ARHGEF28: variants seen among roughly 807,000 people sequenced by gnomAD.
ARHGEF28 encodes the protein Rho guanine nucleotide exchange factor 28, also known as 190 kDa guanine nucleotide exchange factor.
In ARHGEF28, 152 loss-of-function variants were observed where a neutral mutation model predicts 206.6. The ratio of observed to expected loss-of-function variants is 0.74; its 90% CI spans 0.64 to 0.84. ARHGEF28 has a LOEUF of 0.84. ARHGEF28 is among the 40% of genes least tolerant of loss of function. The pLI, the probability that ARHGEF28 is intolerant of heterozygous loss-of-function variation, is 0.00. For missense variants in ARHGEF28, 2,028 were observed against 2,073.2 expected, an observed-to-expected ratio of 0.98 and a Z score of 0.42; for synonymous variants, 763 against 776.4, an observed-to-expected ratio of 0.98 and a Z score of 0.29.
intron 2 of ARHGEF28, among the ~76,000 whole-genome samples, chr5:73,738,549 C>T (rs773344656): frequency 1.3e-5 from 2 of 148,758 alleles, no homozygotes; most frequent in African/African-American, 2.5e-5. Context: ...GTACGTACAC[C>T]GAGGATAGAT....
At chr5:73,718,110 G>T (rs1241181113) in intron 2 of ARHGEF28, among the ~76,000 whole-genome samples, 1 of 152,044 alleles carries the variant, frequency 6.6e-6, no homozygotes, top group African/African-American at 2.4e-5. Flanking sequence ...GACCTCAAGG[G>T]ATCCACCCAC....
chr5:73,702,338 ATTG>A (rs1748653578), intron 2 of ARHGEF28, among the ~76,000 whole-genome samples: 1 of 152,276 alleles, frequency 6.6e-6, no homozygotes, highest in African/African-American at 2.4e-5. Context: ...ATACATTCAT[ATTG>A]TTGTGCTGCT....
At chr5:73,777,975 A>C (rs1386492925) in intron 6 of ARHGEF28, 1 of 152,428 alleles carries the variant, frequency 6.6e-6, no homozygotes, top group East Asian at 1.9e-4. Flanking sequence ...GCTACTTGGG[A>C]GGCTGAGGCA....
intron 1 of ARHGEF28, among the ~76,000 whole-genome samples, chr5:73,639,502 T>C (rs1296152542): frequency 2.0e-5 from 3 of 151,982 alleles, no homozygotes; most frequent in Middle Eastern, 3.2e-3. Context: ...TTTATATACA[T>C]TTTACCATTT....
At chr5:73,709,083 C>A (rs1418655691) in intron 2 of ARHGEF28, among the ~76,000 whole-genome samples, 1 of 152,178 alleles carries the variant, frequency 6.6e-6, no homozygotes, top group East Asian at 1.9e-4. Context: ...TATAGGTCAG[C>A]TCCTTTCTTT....
intron 35 of ARHGEF28, among the ~76,000 whole-genome samples, chr5:73,927,490 C>G (rs1763886736): frequency 6.6e-6 from 1 of 152,218 alleles, no homozygotes; most frequent in Admixed American, 6.5e-5. Flanking sequence ...TTAAAGTCAT[C>G]TCCCATAGGG....
intron 35 of ARHGEF28, among the ~76,000 whole-genome samples, chr5:73,931,131 A>C (rs577254755): frequency 5.3e-4 from 81 of 152,288 alleles, no homozygotes; most frequent in African/African-American, 1.9e-3. Context: ...CTGGGCTTAG[A>C]ATTCTAGAAT....
chr5:73,820,014 C>T (rs2112535929), intron 9 of ARHGEF28, among the ~76,000 whole-genome samples: 1 of 152,262 alleles, frequency 6.6e-6, no homozygotes, highest in Non-Finnish European at 1.5e-5. Flanking sequence ...TACCCTAAGA[C>T]ACTGAATTCC....
At chr5:73,711,653 T>C (rs1016899701) in intron 2 of ARHGEF28, among the ~76,000 whole-genome samples, 1 of 152,164 alleles carries the variant, frequency 6.6e-6, no homozygotes, top group African/African-American at 2.4e-5. Flanking sequence ...TACGGTTAAC[T>C]TTTGTATTCT....
At chr5:73,651,581 G>C (rs1193651286) in intron 1 of ARHGEF28, among the ~76,000 whole-genome samples, 1 of 152,158 alleles carries the variant, frequency 6.6e-6, no homozygotes, top group African/African-American at 2.4e-5. Context: ...TGCAGTCAAT[G>C]ACAGCTTGTT....
chr5:73,855,407 T>C (rs2046553), intron 14 of ARHGEF28, among the ~76,000 whole-genome samples: 19,751 of 152,176 alleles, frequency 0.13, 1,783 homozygotes, highest in African/African-American at 0.24. Context: ...TACACTGTTA[T>C]ATCTCAGGTC....
At chr5:73,769,257 T>G (rs186986269) in intron 4 of ARHGEF28, among the ~76,000 whole-genome samples, 18 of 152,216 alleles carry the variant, frequency 1.2e-4, no homozygotes, top group Admixed American at 6.5e-4. Flanking sequence ...AACAGAGAGA[T>G]ACACTCATAC....
chr5:73,676,792 A>G (rs1011560489), intron 1 of ARHGEF28, among the ~76,000 whole-genome samples: 1 of 152,154 alleles, frequency 6.6e-6, no homozygotes, highest in Non-Finnish European at 1.5e-5. Flanking sequence ...CTAAAAAGTG[A>G]GTCTTTTTCC....
chr5:73,715,127 A>T (rs1036195234), intron 2 of ARHGEF28, among the ~76,000 whole-genome samples: 32 of 152,330 alleles, frequency 2.1e-4, no homozygotes, highest in African/African-American at 7.7e-4. Flanking sequence ...AAGCAACAGA[A>T]CTCTGATTTA....
intron 9 of ARHGEF28, among the ~76,000 whole-genome samples, chr5:73,801,949 C>T (rs909066701): frequency 4.6e-5 from 7 of 152,186 alleles, no homozygotes; most frequent in Non-Finnish European, 8.8e-5. Flanking sequence ...TTGAGAATCA[C>T]GGTCAGAGAT....
chr5:73,893,362 CAGG>C, intron 28 of ARHGEF28, 74 bp downstream of exon 28: 1 of 1,240,352 alleles, frequency 8.1e-7, no homozygotes, highest in Non-Finnish European at 1.1e-6. Flanking sequence ...GTGTCATGAA[CAGG>C]AGGTTATAAC....
intron 2 of ARHGEF28, among the ~76,000 whole-genome samples, chr5:73,743,984 T>C (rs915157784): frequency 6.6e-6 from 1 of 152,294 alleles, no homozygotes; most frequent in Non-Finnish European, 1.5e-5. Flanking sequence ...TATTTCTGGC[T>C]CTGCTCCTCA....
intron 9 of ARHGEF28, among the ~76,000 whole-genome samples, chr5:73,797,937 A>G (rs1363492736): frequency 2.6e-5 from 4 of 152,194 alleles, no homozygotes; most frequent in African/African-American, 7.2e-5. Flanking sequence ...ACCTACGTCT[A>G]TTGAGCATGT....
At chr5:73,724,780 T>C (rs964363511) in intron 2 of ARHGEF28, among the ~76,000 whole-genome samples, 2 of 152,200 alleles carry the variant, frequency 1.3e-5, no homozygotes, top group East Asian at 1.9e-4. Context: ...TGTGTGGAGG[T>C]AACACAGCTT....
Sources: allele counts gnomAD v4.1 joint callset (sites outside exome capture counted in the v4.1 genomes callset), GRCh38; gene constraint gnomAD v4.1.1; transcripts MANE v1.5; gene names NCBI Gene and HGNC (gene_info 2026-07-23, HGNC 2026-07-21).